Variants in ZNF277 observed in about 807,000 individuals in gnomAD.
ZNF277 encodes nuclear receptor-interacting factor 4.
A neutral mutation model predicts 60.7 loss-of-function variants in ZNF277; 55 were observed. The observed-to-expected ratio is 0.91, with a 90% CI of 0.73 to 1.13. The LOEUF (loss-of-function observed/expected upper bound fraction) is 1.13. Among genes scored for constraint, ZNF277 ranks in the 50% most tolerant of loss-of-function variants. ZNF277 has a pLI of 0.00. For synonymous variants in ZNF277, 178 were observed against 179.3 expected (o/e 0.99, Z 0.06); for missense variants, 510 against 523.0 (o/e 0.98, Z 0.24).
chr7:112,278,984 C>T (rs1791881557), intron 1 of ZNF277, among the ~76,000 whole-genome samples: 2 of 152,128 alleles, frequency 1.3e-5, no homozygotes, highest in African/African-American at 4.8e-5. Context: ...TAAGTAGAAT[C>T]GTGTAGTTCG....
At chr7:112,310,274 GC>G (rs1792691737) in intron 4 of ZNF277, among the ~76,000 whole-genome samples, 1 of 151,814 alleles carries the variant, frequency 6.6e-6, no homozygotes, top group Admixed American at 6.6e-5. Flanking sequence ...TGGTCAAAGG[GC>G]CCACCATGAA....
chr7:112,270,365 T>C (rs949592913), intron 1 of ZNF277, among the ~76,000 whole-genome samples: 1 of 152,166 alleles, frequency 6.6e-6, no homozygotes, highest in African/African-American at 2.4e-5. Context: ...ATCCTCATTC[T>C]TGGCTTTCTT....
intron 1 of ZNF277, among the ~76,000 whole-genome samples, chr7:112,241,429 A>G (rs1209210693): frequency 6.6e-6 from 1 of 152,170 alleles, no homozygotes; most frequent in East Asian, 1.9e-4. Flanking sequence ...TAGTGCAACC[A>G]CTATGGAAAA....
intron 5 of ZNF277, among the ~76,000 whole-genome samples, chr7:112,322,376 G>T (rs1793003918): frequency 6.6e-6 from 1 of 151,304 alleles, no homozygotes. Flanking sequence ...TTTCTTCTAA[G>T]ACTGGAAAAT....
intron 1 of ZNF277, among the ~76,000 whole-genome samples, chr7:112,231,875 G>A (rs1020689861): frequency 6.6e-6 from 1 of 151,662 alleles, no homozygotes; most frequent in Non-Finnish European, 1.5e-5. Context: ...ACTTGAAATA[G>A]GTCATTTTGA....
In ZNF277 at chr7:112,213,295, C is replaced by A. The variant is rs188302548; in HGVS notation, c.91+6488C>A. On this transcript the variant is annotated intron_variant, in intron 1 of 11. Transcript: ENST00000361822. ...TGTGAAACTCTAAGTCCAATTAAAA[C>A]CTCTTTCTTTTGTAAATTGCCCAGT... 2.6e-5 allele frequency among the ~76,000 whole-genome samples: 4 copies of A among 152,292 alleles called. No homozygotes were observed. In the East Asian group the frequency reaches 7.7e-4, roughly 29 times the overall value.
At chr7:112,235,107 A>G (rs1271397765) in intron 1 of ZNF277, among the ~76,000 whole-genome samples, 1 of 152,028 alleles carries the variant, frequency 6.6e-6, no homozygotes, top group East Asian at 1.9e-4. Flanking sequence ...TTTACATCAT[A>G]GTTAGAAAAA....
At chr7:112,337,634 GT>G in intron 8 of ZNF277, 95 bp from the exon 9 acceptor site, 1 of 1,027,938 alleles carries the variant, frequency 9.7e-7, no homozygotes. Flanking sequence ...GATTGGCAGG[GT>G]TTTTTAGTAA....
chr7:112,339,287 A>G (rs1793395781), intron 9 of ZNF277, among the ~76,000 whole-genome samples: 1 of 152,220 alleles, frequency 6.6e-6, no homozygotes, highest in Non-Finnish European at 1.5e-5. Flanking sequence ...GTAAATTATA[A>G]AAACTATAGA....
At chr7:112,296,720 T>A (rs1034416799) in intron 4 of ZNF277, among the ~76,000 whole-genome samples, 2 of 151,594 alleles carry the variant, frequency 1.3e-5, no homozygotes, top group African/African-American at 2.4e-5. Flanking sequence ...TTTTTTTATT[T>A]CCCTTTATGA....
At position 112,295,444 on chromosome 7, in the gene ZNF277, TC is replaced by T. The variant is rs948055975; in HGVS notation, c.294-424del. Among the ~76,000 whole-genome samples the T allele has an allele frequency of 2.0e-5, 3 of 152,186 alleles. No homozygotes were observed. In the East Asian group the frequency reaches 5.8e-4, roughly 29 times the overall value. On this transcript the variant is annotated intron_variant, in intron 2 of 11. Coordinates refer to ENST00000361822, the MANE Select transcript of ZNF277 (RefSeq NM_021994.3). ...TTCTCATTGCATTATTCTTCTGACC[TC>T]TGTTCTTTTGATACATAAGATAACC...
intron 1 of ZNF277, among the ~76,000 whole-genome samples, chr7:112,280,867 A>G (rs1026813167): frequency 1.2e-4 from 18 of 152,112 alleles, no homozygotes; most frequent in African/African-American, 3.9e-4. Flanking sequence ...ACCTCAAGTA[A>G]TGCGCCCACC....
At chr7:112,330,548 C>CTTCT (rs1793204568) in intron 7 of ZNF277, 1 of 108,056 alleles carries the variant, frequency 9.3e-6, no homozygotes, top group African/African-American at 3.6e-5. Context: ...AGACTCCTTT[C>CTTCT]TTTTTTTTTT....
chr7:112,248,225 G>C (rs1336356310), intron 1 of ZNF277, among the ~76,000 whole-genome samples: 1 of 151,662 alleles, frequency 6.6e-6, no homozygotes, highest in African/African-American at 2.4e-5. Flanking sequence ...CATGCAGGTA[G>C]TCTTAGGATA....
Position 112,318,223 on chromosome 7 carries a change from C to G in ZNF277, c.507C>G (p.Thr169=), listed in dbSNP as rs2117111441. ...AACAGCAGCAAGAACGAAATGATACCAATTTTCATGGCGTTTGTATGTTTT... is the reference window on the plus strand; with the variant it reads ...AACAGCAGCAAGAACGAAATGATACGAATTTTCATGGCGTTTGTATGTTTT... ...LEQQQQERND[T]NFHGVCMFCN... is the part of the protein sequence containing the mutation. The change falls in exon 5 of 12, where the codon ACC becomes ACG. Residue 169 remains threonine (T), a synonymous_variant. Transcript: ENST00000361822. 1 of 1,613,294 alleles carries G rather than the reference C, an allele frequency of 6.2e-7. No individual in the cohort carries two copies. The highest frequency in any genetic ancestry group is 8.5e-7 in the Non-Finnish European group (1 of 1,179,468).
In ZNF277 at chr7:112,302,922, T is replaced by C. The variant is rs149099307; in HGVS notation, c.465+6611T>C. ...ATTGCACCAGGATACTTTATCACATTTGATCTTTCTTTCTGAGCAAATAGG... is the reference window on the plus strand; with the variant it reads ...ATTGCACCAGGATACTTTATCACATCTGATCTTTCTTTCTGAGCAAATAGG... On this transcript the variant is annotated intron_variant, in intron 4 of 11. Coordinates refer to ENST00000361822, the MANE Select transcript of ZNF277 (RefSeq NM_021994.3). Among the ~76,000 whole-genome samples, 170 of 151,756 alleles carry C rather than the reference T, an allele frequency of 1.1e-3. 6 individuals are homozygous for C. The South Asian group carries it at 0.016, about 15-fold the overall frequency.
Position 112,314,099 on chromosome 7 carries a change from A to G in ZNF277, c.466-4083A>G, listed in dbSNP as rs1220316384. The stretch of plus-strand genomic sequence containing the variant: ...TAAAAAAGGAAGTATCACTTCTAAT[A>G]CAAAAACAGTCTGGGAAAGTCACTT... On this transcript the variant is annotated intron_variant, in intron 4 of 11. Transcript: ENST00000361822. Among the ~76,000 whole-genome samples the G allele has an allele frequency of 3.3e-5, 5 of 152,142 alleles. 1 individual carries two copies. The highest frequency in any genetic ancestry group is 7.4e-5 in the Non-Finnish European group (5 of 68,008).
chr7:112,273,963 A>T (rs1791737265), intron 1 of ZNF277, among the ~76,000 whole-genome samples: 1 of 152,010 alleles, frequency 6.6e-6, no homozygotes, highest in African/African-American at 2.4e-5. Context: ...CATATACTAG[A>T]ACTAAAAGAC....
At chr7:112,280,593 C>T (rs1012465861) in intron 1 of ZNF277, among the ~76,000 whole-genome samples, 5 of 151,890 alleles carry the variant, frequency 3.3e-5, no homozygotes, top group African/African-American at 1.2e-4. Context: ...GGTTCAAGGT[C>T]CCTGTGGCAG....
Sources: allele counts gnomAD v4.1 joint callset (sites outside exome capture counted in the v4.1 genomes callset), GRCh38; gene constraint gnomAD v4.1.1; transcripts MANE v1.5; gene names NCBI Gene and HGNC (gene_info 2026-07-23, HGNC 2026-07-21).